The following CCDC91 variants were observed in gnomAD, a reference collection of about 807,000 sequenced individuals.
CCDC91 encodes coiled-coil domain-containing protein 91.
A neutral mutation model predicts 63.2 loss-of-function variants in CCDC91; 48 were observed. That is an observed-to-expected ratio of 0.76 (90% CI 0.60 to 0.97). The LOEUF (loss-of-function observed/expected upper bound fraction) is 0.97, where lower values mean the gene tolerates loss of function less well. CCDC91 is among the 50% of genes least tolerant of loss of function. CCDC91 has a pLI of 0.00. For missense variants in CCDC91, 500 were observed against 494.6 expected (o/e 1.01, Z -0.10); for synonymous variants, 167 against 165.8 (o/e 1.01, Z -0.06).
chr12:28,534,280 A>C (rs1313651313), intron 12 of CCDC91, among the ~76,000 whole-genome samples: 2 of 152,194 alleles, frequency 1.3e-5, no homozygotes, highest in South Asian at 4.1e-4. Context: ...TTTGAAAATC[A>C]TAAGTGAACA....
intron 11 of CCDC91, among the ~76,000 whole-genome samples, chr12:28,474,062 C>A (rs555874004): frequency 1.3e-5 from 2 of 152,004 alleles, no homozygotes; most frequent in South Asian, 4.1e-4. Context: ...TGATTGCTCT[C>A]CTGTTGAGAA....
At chr12:28,205,242 CT>C (rs762473747) in intron 1 of CCDC91, among the ~76,000 whole-genome samples, 146 of 145,386 alleles carry the variant, frequency 1.0e-3, no homozygotes, top group African/African-American at 1.4e-3. Context: ...GTGCTTCAGA[CT>C]TTTTTTTTTT....
chr12:28,251,650 G>C (rs1043669173), intron 1 of CCDC91, among the ~76,000 whole-genome samples: 1 of 151,828 alleles, frequency 6.6e-6, no homozygotes, highest in Non-Finnish European at 1.5e-5. Context: ...CCTTCATACT[G>C]GTTTCTCTGT....
At chr12:28,282,966 G>A (rs1376922873) in intron 3 of CCDC91, among the ~76,000 whole-genome samples, 1 of 151,978 alleles carries the variant, frequency 6.6e-6, no homozygotes, top group Non-Finnish European at 1.5e-5. Flanking sequence ...ATAGTATGGT[G>A]TCCTTTCCCA....
intron 6 of CCDC91, among the ~76,000 whole-genome samples, chr12:28,347,348 C>G (rs1942879655): frequency 6.6e-6 from 1 of 152,164 alleles, no homozygotes; most frequent in South Asian, 2.1e-4. Context: ...CAGTTAATAA[C>G]CCACTTATTC....
intron 8 of CCDC91, among the ~76,000 whole-genome samples, chr12:28,409,248 A>G (rs1428160494): frequency 6.6e-6 from 1 of 151,952 alleles, no homozygotes; most frequent in Non-Finnish European, 1.5e-5. Context: ...TAAGCTGAGT[A>G]TTTTTCTTTC....
intron 6 of CCDC91, among the ~76,000 whole-genome samples, chr12:28,324,029 T>C (rs1209117028): frequency 2.6e-5 from 4 of 151,890 alleles, no homozygotes; most frequent in Non-Finnish European, 5.9e-5. Context: ...GCAGTTGATA[T>C]GGATGAGTTG....
chr12:28,240,622 T>C (rs899652155), intron 1 of CCDC91, among the ~76,000 whole-genome samples: 2 of 152,132 alleles, frequency 1.3e-5, no homozygotes, highest in African/African-American at 4.8e-5. Flanking sequence ...GTGCATTATG[T>C]GACCTTTTGG....
At chr12:28,467,476 A>AAG (rs746014313) in intron 11 of CCDC91, among the ~76,000 whole-genome samples, 10 of 151,072 alleles carry the variant, frequency 6.6e-5, no homozygotes, top group Admixed American at 2.0e-4. Context: ...ATTAGAGCTA[A>AAG]AGAGAGAGAG....
intron 1 of CCDC91, among the ~76,000 whole-genome samples, chr12:28,256,377 C>A (rs931044902): frequency 4.6e-5 from 7 of 150,684 alleles, no homozygotes; most frequent in African/African-American, 9.7e-5. Flanking sequence ...TTACTAATTT[C>A]ACCTTTTCAG....
At chr12:28,282,684 A>G (rs1358223980) in intron 3 of CCDC91, among the ~76,000 whole-genome samples, 2 of 152,260 alleles carry the variant, frequency 1.3e-5, no homozygotes, top group East Asian at 3.9e-4. Context: ...AGAAAGCTCC[A>G]TACTATTTTC....
intron 1 of CCDC91, among the ~76,000 whole-genome samples, chr12:28,210,090 C>T (rs1419438816): frequency 1.3e-5 from 2 of 152,160 alleles, no homozygotes; most frequent in Admixed American, 6.5e-5. Context: ...CAATAATTTA[C>T]CATACAAGAT....
Position 28,391,364 on chromosome 12 carries a change from G to C in CCDC91, c.715G>C (p.Ala239Pro). 6.2e-7 allele frequency: 1 copy of C among 1,612,924 alleles called. No individual in the cohort carries two copies. ...AGCTATTGAAAAACAGTACATTTCT[G>C]CAATTGAGAAACAGGCACACAAGTG... ...VEAIEKQYISAIEKQAHKCEE... is the reference protein window; with the variant it reads ...VEAIEKQYISPIEKQAHKCEE... The change falls in exon 8 of 13, where the codon GCA becomes CCA. Residue 239 changes from alanine (A) to proline (P), a missense_variant. By Grantham distance (27) the Ala-to-Pro change is conservative. Coordinates refer to ENST00000536442, the MANE Select transcript of CCDC91 (RefSeq NM_018318.5).
At chr12:28,490,888 T>A (rs1463973170) in intron 12 of CCDC91, among the ~76,000 whole-genome samples, 4 of 150,552 alleles carry the variant, frequency 2.7e-5, no homozygotes, top group Non-Finnish European at 5.9e-5. Context: ...ATGTGGACAA[T>A]CACACACTTT....
At chr12:28,397,284 A>G (rs571049265) in intron 8 of CCDC91, among the ~76,000 whole-genome samples, 17 of 152,346 alleles carry the variant, frequency 1.1e-4, no homozygotes, top group Non-Finnish European at 2.2e-4. Flanking sequence ...GTGGAAGAAC[A>G]AAGTAGATTA....
chr12:28,530,173 A>G (rs1941615517), intron 12 of CCDC91, among the ~76,000 whole-genome samples: 1 of 152,212 alleles, frequency 6.6e-6, no homozygotes. Context: ...TGGTTATGAC[A>G]TTGCATGACT....
At chr12:28,377,824 C>A (rs1435030293) in intron 7 of CCDC91, among the ~76,000 whole-genome samples, 1 of 151,902 alleles carries the variant, frequency 6.6e-6, no homozygotes, top group Non-Finnish European at 1.5e-5. Context: ...GTTTCTGATG[C>A]TTGACTAAGT....
intron 1 of CCDC91, among the ~76,000 whole-genome samples, chr12:28,194,081 G>C (rs1941521057): frequency 6.6e-6 from 1 of 152,104 alleles, no homozygotes; most frequent in Non-Finnish European, 1.5e-5. Flanking sequence ...TTTCTCTTAT[G>C]ATTTGTGCTT....
At chr12:28,479,558 A>G (rs1212230709) in intron 11 of CCDC91, among the ~76,000 whole-genome samples, 1 of 152,174 alleles carries the variant, frequency 6.6e-6, no homozygotes, top group African/African-American at 2.4e-5. Context: ...GCACATGTAT[A>G]CATATGTAAC....
Sources: gnomAD v4.1 joint callset for allele counts (sites outside exome capture counted in the v4.1 genomes callset) on GRCh38, gnomAD v4.1.1 for gene constraint, MANE v1.5 for transcripts, NCBI Gene and HGNC (gene_info 2026-07-23, HGNC 2026-07-21) for gene names.